Variants in DNASE1 observed in about 807,000 individuals in gnomAD.
DNASE1 encodes deoxyribonuclease-1.
In DNASE1, 40 loss-of-function variants were observed where a neutral mutation model predicts 33.9. The ratio of observed to expected loss-of-function variants is 1.18; its 90% CI spans 0.92 to 1.54. The LOEUF (loss-of-function observed/expected upper bound fraction) is 1.54. Among genes scored for constraint, DNASE1 ranks in the 40% most tolerant of loss-of-function variants. DNASE1 has a pLI of 0.00. For missense variants in DNASE1, 518 were observed against 372.6 expected (o/e 1.39, Z -3.21); for synonymous variants, 216 against 160.0 (o/e 1.35, Z -2.64).
At chr16:3,617,250 C>T (rs957702036) in intron 1 of DNASE1, among the ~76,000 whole-genome samples, 10 of 140,894 alleles carry the variant, frequency 7.1e-5, no homozygotes, top group Non-Finnish European at 1.4e-4. Flanking sequence ...CGCTTGAACC[C>T]GGGAGATGGA....
At chr16:3,643,411 T>TC (rs1359907073) in intron 1 of DNASE1, among the ~76,000 whole-genome samples, 2 of 152,156 alleles carry the variant, frequency 1.3e-5, no homozygotes, top group African/African-American at 4.8e-5. Context: ...CTAAGAAATA[T>TC]CCCAGGCTCT....
chr16:3,655,543 C>G lies in DNASE1; in HGVS notation c.147+23C>G, dbSNP rs199822100. 4.3e-4 allele frequency: 689 copies of G among 1,613,828 alleles called. 11 individuals are homozygous for G. In the East Asian group the frequency reaches 0.014, roughly 33 times the overall value. ...CAGGTGAGGCCAGGGCAGCCTCCCCCCAAAAGCAGAGGAGCTCTGGAGTCT... is the reference window on the plus strand; with the variant it reads ...CAGGTGAGGCCAGGGCAGCCTCCCCGCAAAAGCAGAGGAGCTCTGGAGTCT... On this transcript the variant is annotated intron_variant, in intron 2 of 8. Coordinates refer to ENST00000246949, the MANE Select transcript of DNASE1 (RefSeq NM_005223.4).
At chr16:3,626,928 G>C (rs1451051657) in intron 1 of DNASE1, among the ~76,000 whole-genome samples, 2 of 152,098 alleles carry the variant, frequency 1.3e-5, no homozygotes, top group African/African-American at 4.8e-5. Flanking sequence ...CTGGAGCACG[G>C]TGATGTGATC....
At chr16:3,660,116 G>A (rs759001078), downstream of DNASE1, 17 of 152,176 alleles carry the variant, frequency 1.1e-4, no homozygotes, top group Non-Finnish European at 2.1e-4. Context: ...TAATGTGGAG[G>A]TCACCTAGTT....
Position 3,657,608 on chromosome 16 carries a change from AC to A in DNASE1, c.705-109del. 18 of 1,457,918 alleles carry A rather than the reference AC, an allele frequency of 1.2e-5. No homozygotes were observed. The South Asian group carries it at 2.0e-4, about 17-fold the overall frequency. The allele number at this position is 1,457,918 out of a possible 1,614,324, so 90.3% of individuals were successfully genotyped here. A position where few individuals can be genotyped will look rare whatever the true frequency, so the allele number is the denominator to read the frequency against. ...CAGACCAGGGTGTGCAGTTTTGGGC[AC>A]CCACAGACCTGCACTGGCAGGTCCC... On this transcript the variant is annotated intron_variant, in intron 7 of 8. Coordinates refer to ENST00000246949, the MANE Select transcript of DNASE1 (RefSeq NM_005223.4).
upstream of DNASE1, among the ~76,000 whole-genome samples, chr16:3,639,343 T>C (rs1327321062): frequency 6.6e-6 from 1 of 152,118 alleles, no homozygotes; most frequent in African/African-American, 2.4e-5. Flanking sequence ...TTCAGGCAGG[T>C]CCCATAGCAC....
chr16:3,656,955 T>C lies in DNASE1; in HGVS notation c.437-44T>C, dbSNP rs200115371. On this transcript the variant is annotated intron_variant, in intron 5 of 8. Coordinates refer to ENST00000246949, the MANE Select transcript of DNASE1 (RefSeq NM_005223.4). ...TTCCAGCTGACATGGTGACTGAACCTGCCCCCAGGGAGTGTGCCTCACACG... is the reference window on the plus strand; with the variant it reads ...TTCCAGCTGACATGGTGACTGAACCCGCCCCCAGGGAGTGTGCCTCACACG... 9 of 1,602,056 alleles carry C rather than the reference T, an allele frequency of 5.6e-6. No homozygotes were observed. In the East Asian group the frequency reaches 1.6e-4, roughly 28 times the overall value.
chr16:3,655,558 C>G (rs201945500), intron 2 of DNASE1, 38 bp downstream of exon 2: 4 of 1,613,454 alleles, frequency 2.5e-6, no homozygotes, highest in Non-Finnish European at 3.4e-6. Context: ...AGCAGAGGAG[C>G]TCTGGAGTCT....
chr16:3,617,444 T>C (rs1222988679), intron 1 of DNASE1, among the ~76,000 whole-genome samples: 4 of 151,240 alleles, frequency 2.6e-5, no homozygotes, highest in African/African-American at 7.3e-5. Flanking sequence ...AAATAATGAA[T>C]TGGATTTAAT....
intron 1 of DNASE1, among the ~76,000 whole-genome samples, chr16:3,643,776 T>C (rs1038969316): frequency 6.6e-6 from 1 of 152,196 alleles, no homozygotes; most frequent in African/African-American, 2.4e-5. Flanking sequence ...TATTTATTTA[T>C]TTTGAGATGG....
intron 7 of DNASE1, 46 bp downstream of exon 7, chr16:3,657,387 G>A (rs756903921): frequency 1.9e-6 from 3 of 1,604,368 alleles, no homozygotes; most frequent in Admixed American, 1.7e-5. Context: ...CACCTCCAAG[G>A]GCAGCCGTGA....
downstream of DNASE1, chr16:3,662,182 G>C (rs1378494656): frequency 1.3e-6 from 2 of 1,576,322 alleles, no homozygotes; most frequent in East Asian, 2.3e-5. Context: ...CAATGTGAGA[G>C]GGCTGGCAGG....
At chr16:3,644,510 C>T (rs2042112868) in intron 1 of DNASE1, among the ~76,000 whole-genome samples, 1 of 151,852 alleles carries the variant, frequency 6.6e-6, no homozygotes. Context: ...TTGCAGTGAG[C>T]CAAGATTGCA....
At chr16:3,663,271 T>G in exon 10 of DNASE1, 1 of 997,710 alleles carries the variant, frequency 1.0e-6, no homozygotes, top group Non-Finnish European at 1.4e-6. Context: ...GGCACCTTCC[T>G]CCAGTCACCA....
At chr16:3,653,806 C>CAAAAAAAAAAAAAAAAAA (rs71133649), upstream of DNASE1, 8 of 37,038 alleles carry the variant, frequency 2.2e-4, no homozygotes, top group South Asian at 1.5e-3. Context: ...GATTCCGCCT[C>CAAAAAAAAAAAAAAAAAA]AAAAAAAAAA....
rs191253160 is a variant in DNASE1 at position 3,657,127 on chromosome 16, G to A, written c.549+16G>A. 2,225 of 1,614,096 alleles carry A rather than the reference G, an allele frequency of 1.4e-3. 5 individuals carry two copies. The highest frequency in any genetic ancestry group is 1.7e-3 in the Non-Finnish European group (2,037 of 1,180,010). ...GGGCTTGGAGGTGAGGCCCTCCCAG[G>A]GGCAGTGGGCACCAGCGGCCTCCGC... On this transcript the variant is annotated intron_variant, in intron 6 of 8. Transcript: ENST00000246949.
chr16:3,638,141 T>TGTGTG (rs1163393580), upstream of DNASE1, among the ~76,000 whole-genome samples: 3 of 130,732 alleles, frequency 2.3e-5, no homozygotes, highest in African/African-American at 5.6e-5. Flanking sequence ...GTGTGTGTGT[T>TGTGTG]TTTCCCAGTA....
intron 1 of DNASE1, among the ~76,000 whole-genome samples, chr16:3,615,180 G>A (rs1294865215): frequency 6.6e-6 from 1 of 152,118 alleles, no homozygotes; most frequent in African/African-American, 2.4e-5. Context: ...TCAAGATTGA[G>A]AAGCACTGCA....
At position 3,657,123 on chromosome 16, in the gene DNASE1, C is replaced by A. The variant is rs1462087097; in HGVS notation, c.549+12C>A. The A allele has an allele frequency of 2.0e-5, 32 of 1,613,986 alleles. No homozygotes were observed. The highest frequency in any genetic ancestry group is 2.4e-5 in the Non-Finnish European group (28 of 1,180,024). On this transcript the variant is annotated intron_variant, in intron 6 of 8. Coordinates refer to ENST00000246949, the MANE Select transcript of DNASE1 (RefSeq NM_005223.4). ...AATGGGGCTTGGAGGTGAGGCCCTC[C>A]CAGGGGCAGTGGGCACCAGCGGCCT...
Sources: allele counts gnomAD v4.1 joint callset (sites outside exome capture counted in the v4.1 genomes callset), GRCh38; gene constraint gnomAD v4.1.1; transcripts MANE v1.5; gene names NCBI Gene and HGNC (gene_info 2026-07-23, HGNC 2026-07-21).